Variants in CCDC192 observed in about 807,000 individuals in gnomAD.
CCDC192 encodes coiled-coil domain-containing protein 192.
intron 6 of CCDC192, among the ~76,000 whole-genome samples, chr5:127,936,634 G>A (rs1340202248): frequency 6.6e-6 from 1 of 152,186 alleles, no homozygotes; most frequent in Non-Finnish European, 1.5e-5. Context: ...AACCCCTTCA[G>A]TAGTGGCGAA....
At chr5:127,901,659 C>G (rs1753040008) in intron 6 of CCDC192, among the ~76,000 whole-genome samples, 1 of 152,190 alleles carries the variant, frequency 6.6e-6, no homozygotes, top group Non-Finnish European at 1.5e-5. Context: ...CAAGAATCTT[C>G]TCTTCCTGCT....
intron 2 of CCDC192, among the ~76,000 whole-genome samples, chr5:127,750,092 G>GT (rs1449143362): frequency 3.5e-4 from 53 of 152,238 alleles, no homozygotes; most frequent in Non-Finnish European, 1.9e-4. Flanking sequence ...TTTTTGAAGA[G>GT]TTTTTTGTGT....
chr5:127,826,791 G>GA (rs1321680320), intron 5 of CCDC192, among the ~76,000 whole-genome samples: 1 of 151,110 alleles, frequency 6.6e-6, no homozygotes, highest in Admixed American at 6.6e-5. Flanking sequence ...AATAAAAGTT[G>GA]AAAAAAATAA....
chr5:127,863,657 G>C (rs1294434480), intron 5 of CCDC192, among the ~76,000 whole-genome samples: 2 of 152,174 alleles, frequency 1.3e-5, no homozygotes, highest in Non-Finnish European at 1.5e-5. Context: ...TAATACTACC[G>C]AACTGTACAC....
intron 5 of CCDC192, among the ~76,000 whole-genome samples, chr5:127,804,190 T>C (rs1285812551): frequency 1.3e-5 from 2 of 152,244 alleles, no homozygotes; most frequent in African/African-American, 4.8e-5. Context: ...GTTCTTACCA[T>C]AACAGAGGAC....
intron 3 of CCDC192, among the ~76,000 whole-genome samples, chr5:127,768,277 T>A (rs998405298): frequency 6.6e-6 from 1 of 151,150 alleles, no homozygotes; most frequent in Admixed American, 6.6e-5. Flanking sequence ...AAAAAAAAAA[T>A]AAGGTCATAC....
intron 3 of CCDC192, chr5:127,784,965 A>G (rs1756454944): frequency 2.1e-6 from 1 of 475,826 alleles, no homozygotes; most frequent in African/African-American, 2.0e-5. Flanking sequence ...ATTCCACCTC[A>G]TCAGCATTTA....
At chr5:127,737,876 CTT>C (rs1420300666) in intron 2 of CCDC192, among the ~76,000 whole-genome samples, 6 of 152,186 alleles carry the variant, frequency 3.9e-5, no homozygotes, top group African/African-American at 1.4e-4. Flanking sequence ...AGTCTTGACT[CTT>C]TATCCAATTT....
At chr5:127,781,576 C>CTTT (rs1223496970) in intron 3 of CCDC192, among the ~76,000 whole-genome samples, 5 of 124,142 alleles carry the variant, frequency 4.0e-5, no homozygotes, top group Non-Finnish European at 5.3e-5. Flanking sequence ...CTAAGTATTC[C>CTTT]TTTTTTTTTT....
At chr5:127,747,604 T>A (rs912209690) in intron 2 of CCDC192, among the ~76,000 whole-genome samples, 53 of 152,174 alleles carry the variant, frequency 3.5e-4, no homozygotes, top group Non-Finnish European at 6.3e-4. Context: ...TGATTTATAG[T>A]CCTTTGGGTA....
chr5:127,707,383 G>A (rs1160594693), intron 1 of CCDC192, among the ~76,000 whole-genome samples: 2 of 147,532 alleles, frequency 1.4e-5, no homozygotes, highest in African/African-American at 2.5e-5. Context: ...TGATTCTTAG[G>A]AGGTTATGCT....
chr5:127,705,038 C>T (rs148696440), intron 1 of CCDC192, among the ~76,000 whole-genome samples: 63 of 152,178 alleles, frequency 4.1e-4, no homozygotes, highest in African/African-American at 1.5e-3. Context: ...ATCATTACTC[C>T]CTGCCAATAG....
At chr5:127,713,019 G>T (rs556384748) in intron 2 of CCDC192, among the ~76,000 whole-genome samples, 1 of 152,308 alleles carries the variant, frequency 6.6e-6, no homozygotes, top group South Asian at 2.1e-4. Flanking sequence ...CGGATCACCT[G>T]TGGTCGGGAG....
chr5:127,899,183 G>T (rs1165419748), intron 6 of CCDC192, among the ~76,000 whole-genome samples: 1 of 152,078 alleles, frequency 6.6e-6, no homozygotes, highest in African/African-American at 2.4e-5. Context: ...GAGTGAACAG[G>T]GGGAGCTTCT....
intron 6 of CCDC192, among the ~76,000 whole-genome samples, chr5:127,924,122 CT>C (rs1290607851): frequency 6.6e-6 from 1 of 152,150 alleles, no homozygotes; most frequent in Non-Finnish European, 1.5e-5. Flanking sequence ...AAAATATTAC[CT>C]TACTTAATTG....
intron 2 of CCDC192, among the ~76,000 whole-genome samples, chr5:127,729,279 A>G (rs1752504963): frequency 1.3e-5 from 2 of 152,198 alleles, no homozygotes; most frequent in South Asian, 4.1e-4. Context: ...GCATTACATA[A>G]TGGTAAAGGG....
chr5:127,800,141 A>G (rs2126975549), intron 5 of CCDC192, among the ~76,000 whole-genome samples: 1 of 152,060 alleles, frequency 6.6e-6, no homozygotes. Context: ...GAGGTATCAA[A>G]TGGTGTTTAT....
intron 6 of CCDC192, among the ~76,000 whole-genome samples, chr5:127,924,296 TG>T (rs1279888647): frequency 1.3e-5 from 2 of 152,200 alleles, no homozygotes; most frequent in South Asian, 2.1e-4. Context: ...TCAGATGAAA[TG>T]GAAAGTTTGC....
chr5:127,736,009 T>C (rs1228435215), intron 2 of CCDC192, among the ~76,000 whole-genome samples: 4 of 107,270 alleles, frequency 3.7e-5, no homozygotes, highest in Admixed American at 3.5e-4. Context: ...CTTGTCCCAG[T>C]TTTCAAAGGG....
Sources: gnomAD v4.1 joint callset for allele counts (sites outside exome capture counted in the v4.1 genomes callset) on GRCh38, gnomAD v4.1.1 for gene constraint, MANE v1.5 for transcripts, NCBI Gene and HGNC (gene_info 2026-07-23, HGNC 2026-07-21) for gene names.